Variants in DNAAF4 observed in about 807,000 individuals in gnomAD.
The protein encoded by DNAAF4 is dynein axonemal assembly factor 4.
DNAAF4 carries 43 observed loss-of-function variants against 51.8 expected under a neutral mutation model. The ratio of observed to expected loss-of-function variants is 0.83; its 90% CI spans 0.65 to 1.07. DNAAF4 has a LOEUF of 1.07. DNAAF4 is among the 50% of genes least tolerant of loss of function. DNAAF4 has a pLI of 0.00. For missense variants in DNAAF4, 581 were observed against 493.0 expected, an observed-to-expected ratio of 1.18 and a Z score of -1.69; for synonymous variants, 194 against 165.6, an observed-to-expected ratio of 1.17 and a Z score of -1.32.
chr15:55,499,992 T>C (rs1351155864), intron 1 of DNAAF4, among the ~76,000 whole-genome samples: 1 of 152,174 alleles, frequency 6.6e-6, no homozygotes, highest in Non-Finnish European at 1.5e-5. Context: ...GTATACAATA[T>C]TTAGATACAC....
In DNAAF4 at chr15:55,485,970, G is replaced by A. The variant is rs60338924; in HGVS notation, c.405+5153C>T. The stretch of plus-strand genomic sequence containing the variant: ...AGACTGCGCCACTGCACTCCAGCCT[G>A]GACAACAGAGCGAGACTCCATCTCA... On this transcript the variant is annotated intron_variant, in intron 4 of 9. Transcript: ENST00000321149. Among the ~76,000 whole-genome samples the A allele has an allele frequency of 7.9e-3, 1,088 of 138,160 alleles. 12 individuals carry two copies. The highest frequency in any genetic ancestry group is 0.025 in the African/African-American group (906 of 36,478). 90.6% of individuals were successfully genotyped at this position (138,160 alleles called of 152,430 possible). A position where few individuals can be genotyped will look rare whatever the true frequency, so the allele number is the denominator to read the frequency against.
rs555570112 is a variant in DNAAF4 at position 55,423,069 on chromosome 15, T to C, written c.1048-4936A>G. Reference sequence around the variant, plus strand: ...AGAAGCGGTAGAGAGGAAAACTTTATTGGAATAAGAAAGAACAGAAAAACT... The same window carrying C: ...AGAAGCGGTAGAGAGGAAAACTTTACTGGAATAAGAAAGAACAGAAAAACT... On this transcript the variant is annotated intron_variant, in intron 7 of 7. Coordinates refer to the DNAAF4 transcript ENST00000448430. 7.2e-5 allele frequency among the ~76,000 whole-genome samples: 11 copies of C among 151,958 alleles called. No individual in the cohort carries two copies. In the South Asian group the frequency reaches 1.0e-3, roughly 14 times the overall value.
chr15:55,501,420 G>C (rs1216558536), intron 1 of DNAAF4, among the ~76,000 whole-genome samples: 1 of 142,520 alleles, frequency 7.0e-6, no homozygotes, highest in Non-Finnish European at 1.5e-5. Flanking sequence ...CTTTCGCCCA[G>C]GCTGGAGTGC....
At position 55,466,914 on chromosome 15, in the gene DNAAF4, TTCTTAA is replaced by T. The variant is rs2058178895; in HGVS notation, c.637+10_637+15del. 1.3e-6 allele frequency: 2 copies of T among 1,581,284 alleles called. No homozygotes were observed. The highest frequency in any genetic ancestry group is 4.5e-5 in the East Asian group (2 of 44,360). On this transcript the variant is annotated intron_variant, in intron 5 of 9. Transcript: ENST00000321149. ...CCAACAGGACTCACTACTCAAGAAA[TTCTTAA>T]TCATTTTACCTTTTGGAGCAAGATT...
At chr15:55,437,972 G>A (rs1297546941) in intron 7 of DNAAF4, among the ~76,000 whole-genome samples, 2 of 152,148 alleles carry the variant, frequency 1.3e-5, no homozygotes, top group African/African-American at 4.8e-5. Context: ...AAACACAGAA[G>A]TGTATATGAT....
chr15:55,418,503 A>C (rs1004951814), intron 7 of DNAAF4: 44 of 1,527,584 alleles, frequency 2.9e-5, no homozygotes, highest in Admixed American at 5.9e-5. Flanking sequence ...TATCAAAATA[A>C]CACTCTAAAT....
intron 7 of DNAAF4, among the ~76,000 whole-genome samples, chr15:55,422,322 T>G (rs928362383): frequency 6.6e-6 from 1 of 152,140 alleles, no homozygotes; most frequent in African/African-American, 2.4e-5. Flanking sequence ...GAAAGTCAAG[T>G]TGATGTAAGG....
downstream of DNAAF4, among the ~76,000 whole-genome samples, chr15:55,430,021 G>C (rs1216283489): frequency 6.6e-6 from 1 of 151,924 alleles, no homozygotes; most frequent in Non-Finnish European, 1.5e-5. Flanking sequence ...CTACTTGGAG[G>C]TACTAGAAAA....
intron 4 of DNAAF4, among the ~76,000 whole-genome samples, chr15:55,485,830 CA>C (rs2058479645): frequency 6.6e-6 from 1 of 151,416 alleles, no homozygotes; most frequent in Admixed American, 6.6e-5. Flanking sequence ...CCATCTCTAC[CA>C]AAAAATACAA....
At chr15:55,477,957 C>G (rs769602335) in intron 4 of DNAAF4, among the ~76,000 whole-genome samples, 3 of 151,766 alleles carry the variant, frequency 2.0e-5, no homozygotes, top group Non-Finnish European at 4.4e-5. Context: ...GTGCCTGTAA[C>G]CCCAGCACTG....
chr15:55,466,874 G>A (rs1201670485), intron 5 of DNAAF4, 56 bp downstream of exon 5: 15 of 1,564,200 alleles, frequency 9.6e-6, no homozygotes, highest in African/African-American at 4.2e-5. Context: ...AAAGAAAAGC[G>A]TCATATATAC....
At chr15:55,471,424 A>C (rs1355963568) in intron 4 of DNAAF4, among the ~76,000 whole-genome samples, 1 of 152,154 alleles carries the variant, frequency 6.6e-6, no homozygotes, top group Non-Finnish European at 1.5e-5. Context: ...AGAAAATTAC[A>C]TGGGTTTTAG....
At chr15:55,499,658 T>C (rs564366412) in intron 1 of DNAAF4, among the ~76,000 whole-genome samples, 3 of 152,312 alleles carry the variant, frequency 2.0e-5, no homozygotes, top group Admixed American at 1.3e-4. Flanking sequence ...GCTCCAAAGT[T>C]TGAAAACTGA....
In DNAAF4 at chr15:55,432,624, T is replaced by G. The variant is rs895045177; in HGVS notation, c.1048-22A>C. On this transcript the variant is annotated intron_variant, in intron 8 of 9. Transcript: ENST00000321149. Reference sequence around the variant, plus strand: ...GTGCCTTACAAAATATATATAATTATTACAAGAAAGTTATAGTTTCTTAAT... The same window carrying G: ...GTGCCTTACAAAATATATATAATTAGTACAAGAAAGTTATAGTTTCTTAAT... 3 of 1,577,752 alleles carry G rather than the reference T, an allele frequency of 1.9e-6. No homozygotes were observed. The South Asian group carries it at 3.5e-5, about 18-fold the overall frequency.
chr15:55,425,675 T>C (rs1490394299), downstream of DNAAF4, among the ~76,000 whole-genome samples: 1 of 152,104 alleles, frequency 6.6e-6, no homozygotes, highest in Non-Finnish European at 1.5e-5. Context: ...TATTAGACAA[T>C]ATCTCTGTAT....
At chr15:55,473,295 G>GTGTGTATATATATA (rs1280532669) in intron 4 of DNAAF4, among the ~76,000 whole-genome samples, 11,802 of 128,846 alleles carry the variant, frequency 0.092, 1,283 homozygotes, top group African/African-American at 0.21. Context: ...GTATATATAT[G>GTGTGTATATATATA]TGTATATATA....
At chr15:55,494,503 C>A (rs2058614489) in intron 3 of DNAAF4, among the ~76,000 whole-genome samples, 1 of 151,908 alleles carries the variant, frequency 6.6e-6, no homozygotes. Flanking sequence ...CCTCCACCAC[C>A]CGGGTTCAAG....
chr15:55,506,194 A>G (rs1269066388), intron 1 of DNAAF4, among the ~76,000 whole-genome samples: 1 of 152,366 alleles, frequency 6.6e-6, no homozygotes, highest in African/African-American at 2.4e-5. Context: ...AATAATAAAC[A>G]AAGAGAACAT....
Position 55,489,178 on chromosome 15 carries a change from C to CAGTA in DNAAF4, c.405+1941_405+1944dup, listed in dbSNP as rs768089194. On this transcript the variant is annotated intron_variant, in intron 4 of 9. Transcript: ENST00000321149. ...GTTCTGTTTTGACATACCAATACAG[C>CAGTA]AGTAAGTGTGCCATTATTTAACTGT... Among the ~76,000 whole-genome samples the CAGTA allele has an allele frequency of 1.1e-4, 16 of 152,010 alleles. 1 individual carries two copies. Among genetic ancestry groups the CAGTA allele is most frequent in the Admixed American group, 7.2e-4 (11 of 15,266 alleles).
Sources: gnomAD v4.1 joint callset for allele counts (sites outside exome capture counted in the v4.1 genomes callset) on GRCh38, gnomAD v4.1.1 for gene constraint, MANE v1.5 for transcripts, NCBI Gene and HGNC (gene_info 2026-07-23, HGNC 2026-07-21) for gene names.